The following PLA2G4C variants were observed in gnomAD, a reference collection of about 807,000 sequenced individuals.
PLA2G4C encodes the protein cytosolic phospholipase A2 gamma.
PLA2G4C carries 64 observed loss-of-function variants against 73.8 expected under a neutral mutation model. That is an observed-to-expected ratio of 0.87 (90% CI 0.71 to 1.07). PLA2G4C has a LOEUF of 1.07. Among genes scored for constraint, PLA2G4C ranks in the 50% least tolerant of loss-of-function variants. The pLI, the probability that PLA2G4C is intolerant of heterozygous loss-of-function variation, is 0.00. For synonymous variants in PLA2G4C, 254 were observed against 252.1 expected (o/e 1.01, Z -0.07); for missense variants, 622 against 665.4 (o/e 0.93, Z 0.72).
chr19:48,106,474 A>T, intron 2 of PLA2G4C, 48 bp downstream of exon 2: 1 of 1,390,590 alleles, frequency 7.2e-7, no homozygotes, highest in Non-Finnish European at 1.0e-6. Flanking sequence ...GCATTCCATT[A>T]CACAAATGCT....
intron 4 of PLA2G4C, among the ~76,000 whole-genome samples, chr19:48,101,674 CTTT>C (rs71181648): frequency 3.0e-5 from 4 of 131,806 alleles, no homozygotes; most frequent in African/African-American, 5.7e-5. Context: ...CCTTTAATAT[CTTT>C]TTTTTTTTTT....
chr19:48,062,994 A>G (rs917777702), intron 13 of PLA2G4C, among the ~76,000 whole-genome samples: 1 of 152,114 alleles, frequency 6.6e-6, no homozygotes, highest in Non-Finnish European at 1.5e-5. Flanking sequence ...AGGTGGGACA[A>G]CTCAAAGCAG....
chr19:48,092,022 G>T (rs968687485), intron 7 of PLA2G4C, among the ~76,000 whole-genome samples: 4 of 151,738 alleles, frequency 2.6e-5, no homozygotes, highest in Non-Finnish European at 5.9e-5. Context: ...AATATAAAAT[G>T]GTACAGCCAC....
chr19:48,075,564 T>C (rs971216088), intron 11 of PLA2G4C, among the ~76,000 whole-genome samples: 4 of 152,080 alleles, frequency 2.6e-5, no homozygotes, highest in African/African-American at 9.7e-5. Context: ...ACACTGATAA[T>C]AGCTCTGCTC....
intron 4 of PLA2G4C, among the ~76,000 whole-genome samples, chr19:48,101,337 G>A (rs2031912387): frequency 1.3e-5 from 2 of 151,108 alleles, no homozygotes; most frequent in African/African-American, 4.9e-5. Flanking sequence ...GTCTCACTAT[G>A]TTGCCCACGC....
chr19:48,068,782 C>A (rs183009901), intron 12 of PLA2G4C, among the ~76,000 whole-genome samples: 53 of 150,986 alleles, frequency 3.5e-4, no homozygotes, highest in African/African-American at 1.3e-3. Flanking sequence ...ACCAAGAATG[C>A]GTGTGCACTG....
chr19:48,065,506 C>T (rs987081951), intron 13 of PLA2G4C, among the ~76,000 whole-genome samples: 2 of 151,892 alleles, frequency 1.3e-5, no homozygotes, highest in African/African-American at 4.8e-5. Flanking sequence ...ATCCCAGCTA[C>T]TCAGGAGGCT....
intron 14 of PLA2G4C, among the ~76,000 whole-genome samples, chr19:48,057,480 CTTCTTTT>C (rs1252062354): frequency 0.027 from 768 of 27,930 alleles, 4 homozygotes; most frequent in African/African-American, 0.052. Context: ...TCTTCTTCTT[CTTCTTTT>C]TTTTTTTTTT....
chr19:48,090,995 G>C (rs1034191834), intron 7 of PLA2G4C, among the ~76,000 whole-genome samples: 5 of 137,654 alleles, frequency 3.6e-5, no homozygotes, highest in African/African-American at 8.2e-5. Flanking sequence ...GACAGAGAGA[G>C]ACCCTGACTT....
chr19:48,055,410 T>TATATATATATATATATATA (rs201946576), intron 14 of PLA2G4C, among the ~76,000 whole-genome samples: 31 of 148,340 alleles, frequency 2.1e-4, no homozygotes, highest in African/African-American at 5.4e-4. Context: ...TATATATATA[T>TATATATATATATATATATA]TTCAATTAGC....
intron 11 of PLA2G4C, 112 bp downstream of exon 11, chr19:48,077,659 A>G (rs1011530817): frequency 5.1e-6 from 4 of 785,276 alleles, no homozygotes; most frequent in African/African-American, 1.8e-5. Context: ...CTCCATTCCC[A>G]AAGGAGCACC....
chr19:48,051,667 C>T (rs1156859626), intron 16 of PLA2G4C: 1 of 152,000 alleles, frequency 6.6e-6, no homozygotes, highest in Non-Finnish European at 1.5e-5. Context: ...AAGCCACCCC[C>T]AAGATCCAAT....
intron 13 of PLA2G4C, among the ~76,000 whole-genome samples, chr19:48,065,305 A>G (rs1568428174): frequency 6.6e-6 from 1 of 151,250 alleles, no homozygotes; most frequent in African/African-American, 2.4e-5. Context: ...TTATAGGTAG[A>G]TTTAAAGTTT....
chr19:48,071,944 A>G (rs1968676205), intron 12 of PLA2G4C, among the ~76,000 whole-genome samples: 1 of 151,700 alleles, frequency 6.6e-6, no homozygotes, highest in African/African-American at 2.4e-5. Context: ...TCAGGAGTTC[A>G]AGACCAGCCT....
At chr19:48,050,886 G>A (rs1437162086) in intron 16 of PLA2G4C, among the ~76,000 whole-genome samples, 4 of 151,874 alleles carry the variant, frequency 2.6e-5, no homozygotes, top group Non-Finnish European at 5.9e-5. Flanking sequence ...ATGTTGCCCA[G>A]GCTGGTCTGA....
chr19:48,092,633 C>G (rs1568446379), intron 7 of PLA2G4C, among the ~76,000 whole-genome samples: 1 of 152,172 alleles, frequency 6.6e-6, no homozygotes, highest in Non-Finnish European at 1.5e-5. Context: ...AAGTCATTTT[C>G]CTCAGTGAAA....
intron 13 of PLA2G4C, among the ~76,000 whole-genome samples, chr19:48,063,216 G>C (rs560930973): frequency 1.3e-5 from 2 of 152,156 alleles, no homozygotes; most frequent in Admixed American, 6.5e-5. Context: ...GCTAATTTTT[G>C]TATTTCTAGT....
chr19:48,052,900 C>A, intron 16 of PLA2G4C, 97 bp downstream of exon 16: 1 of 1,320,242 alleles, frequency 7.6e-7, no homozygotes, highest in Non-Finnish European at 1.0e-6. Context: ...TATCTTTTTT[C>A]ACCCATGCAA....
At position 48,047,859 on chromosome 19, in the gene PLA2G4C, CAGCA is replaced by C. The variant is rs1967582702; in HGVS notation, c.*480_*483del. The C allele has an allele frequency of 6.1e-6, 1 of 164,730 alleles. No homozygotes were observed. Among genetic ancestry groups the C allele is most frequent in the African/African-American group, 2.4e-5 (1 of 41,564 alleles). 10.2% of individuals were successfully genotyped at this position (164,730 alleles called of 1,614,324 possible). ...ACACACAGCTAATCCATCAGTCAATCAGCAAGCATTTATTGAGCACTTGTTGTAT... is the reference window on the plus strand; with the variant it reads ...ACACACAGCTAATCCATCAGTCAATCAGCATTTATTGAGCACTTGTTGTAT... On this transcript the variant is annotated 3_prime_UTR_variant, in exon 17 of 17. Transcript: ENST00000599921.
Sources: allele counts gnomAD v4.1 joint callset (sites outside exome capture counted in the v4.1 genomes callset), GRCh38; gene constraint gnomAD v4.1.1; transcripts MANE v1.5; gene names NCBI Gene and HGNC (gene_info 2026-07-23, HGNC 2026-07-21).